The following CHST9 variants were observed in gnomAD, a reference collection of about 807,000 sequenced individuals.
CHST9 encodes carbohydrate sulfotransferase 9.
Under a neutral mutation model 44.4 loss-of-function variants are expected in CHST9, and 41 were observed. The ratio of observed to expected loss-of-function variants is 0.92; its 90% CI spans 0.72 to 1.20. The LOEUF (loss-of-function observed/expected upper bound fraction) is 1.20. Ranked by LOEUF, CHST9 falls within the 50% of genes most tolerant of loss-of-function variation. The pLI is 0.00. For synonymous variants in CHST9, 171 were observed against 178.4 expected, an observed-to-expected ratio of 0.96 and a Z score of 0.33; for missense variants, 504 against 516.5, an observed-to-expected ratio of 0.98 and a Z score of 0.23.
At chr18:26,998,858 G>T (rs1343040388) in intron 4 of CHST9, among the ~76,000 whole-genome samples, 6 of 152,066 alleles carry the variant, frequency 3.9e-5, no homozygotes, top group Non-Finnish European at 7.4e-5. Flanking sequence ...GGCAGTCTCT[G>T]GCTATCATGT....
chr18:27,159,627 T>G (rs1417805216), intron 1 of CHST9, among the ~76,000 whole-genome samples: 1 of 152,178 alleles, frequency 6.6e-6, no homozygotes, highest in East Asian at 1.9e-4. Context: ...TTAAAGCAGT[T>G]TTTTCCAATT....
At chr18:27,025,108 C>G (rs2057270968) in intron 3 of CHST9, among the ~76,000 whole-genome samples, 1 of 146,686 alleles carries the variant, frequency 6.8e-6, no homozygotes, top group Admixed American at 6.8e-5. Context: ...AACATATATA[C>G]TATATGTCAT....
chr18:27,179,102 C>CTATATA (rs1255087270), intron 1 of CHST9, among the ~76,000 whole-genome samples: 5 of 120,224 alleles, frequency 4.2e-5, no homozygotes, highest in African/African-American at 1.5e-4. Flanking sequence ...CTCTCTCTCT[C>CTATATA]TCTATATATA....
At chr18:27,094,924 T>C (rs1434832741) in intron 2 of CHST9, among the ~76,000 whole-genome samples, 1 of 152,218 alleles carries the variant, frequency 6.6e-6, no homozygotes, top group Non-Finnish European at 1.5e-5. Context: ...ACTCTAATTA[T>C]GGTTAAGTGA....
chr18:26,983,879 T>G (rs2056723159), intron 4 of CHST9, among the ~76,000 whole-genome samples: 1 of 151,904 alleles, frequency 6.6e-6, no homozygotes, highest in African/African-American at 2.4e-5. Flanking sequence ...TATTTAAAAG[T>G]GGATAACTTT....
intron 1 of CHST9, among the ~76,000 whole-genome samples, chr18:27,166,484 G>C (rs1162351316): frequency 6.6e-6 from 1 of 152,142 alleles, no homozygotes; most frequent in East Asian, 1.9e-4. Context: ...ACCTTGGGTT[G>C]ATCTCTGTTC....
intron 5 of CHST9, among the ~76,000 whole-genome samples, chr18:26,926,563 A>G (rs2055771807): frequency 6.6e-6 from 1 of 152,238 alleles, no homozygotes; most frequent in South Asian, 2.1e-4. Flanking sequence ...GAAAAATGAG[A>G]TGACTCTTTT....
At chr18:27,173,184 TA>T (rs1303970907) in intron 1 of CHST9, among the ~76,000 whole-genome samples, 3 of 152,114 alleles carry the variant, frequency 2.0e-5, no homozygotes, top group African/African-American at 7.2e-5. Context: ...ATTTGTTGAC[TA>T]AATCGAGAGC....
intron 1 of CHST9, among the ~76,000 whole-genome samples, chr18:27,165,012 G>A (rs964131232): frequency 3.3e-5 from 5 of 152,160 alleles, no homozygotes; most frequent in African/African-American, 1.2e-4. Context: ...GAAGAAATGG[G>A]ATGCAGAAAC....
chr18:26,950,701 T>C (rs1378629947), intron 4 of CHST9, among the ~76,000 whole-genome samples: 1 of 152,042 alleles, frequency 6.6e-6, no homozygotes, highest in Non-Finnish European at 1.5e-5. Context: ...AATGATGTAA[T>C]GGACTTGAGG....
At chr18:26,925,662 C>T (rs1057314951) in intron 5 of CHST9, among the ~76,000 whole-genome samples, 4 of 152,118 alleles carry the variant, frequency 2.6e-5, no homozygotes, top group African/African-American at 7.2e-5. Context: ...TGGGTGACCT[C>T]GGTTATCTTA....
intron 4 of CHST9, among the ~76,000 whole-genome samples, chr18:26,992,983 T>A (rs2145211407): frequency 6.6e-6 from 1 of 152,314 alleles, no homozygotes; most frequent in South Asian, 2.1e-4. Context: ...GCAGACACCC[T>A]AAATGCAGCT....
At chr18:27,116,738 C>A (rs570021206) in intron 2 of CHST9, among the ~76,000 whole-genome samples, 1 of 152,102 alleles carries the variant, frequency 6.6e-6, no homozygotes, top group Non-Finnish European at 1.5e-5. Flanking sequence ...CATTAGATAT[C>A]TTTCCATTTA....
intron 2 of CHST9, among the ~76,000 whole-genome samples, chr18:27,129,258 CTTATT>C (rs1333610748): frequency 2.0e-5 from 3 of 152,034 alleles, no homozygotes; most frequent in Non-Finnish European, 4.4e-5. Context: ...AAAAATGATC[CTTATT>C]TTATTTTCAA....
intron 1 of CHST9, among the ~76,000 whole-genome samples, chr18:27,155,065 G>C (rs1303999447): frequency 1.5e-5 from 2 of 135,734 alleles, no homozygotes; most frequent in Non-Finnish European, 1.5e-5. Flanking sequence ...CTGGGCAACA[G>C]AGTGAGACTG....
At chr18:26,924,522 G>A (rs1370612280) in intron 5 of CHST9, 3 of 632,256 alleles carry the variant, frequency 4.7e-6, no homozygotes, top group Non-Finnish European at 5.9e-6. Flanking sequence ...TGCCCAGGGA[G>A]TAATTTATAA....
At chr18:26,974,379 CA>C (rs1191297865) in intron 4 of CHST9, among the ~76,000 whole-genome samples, 1 of 152,030 alleles carries the variant, frequency 6.6e-6, no homozygotes, top group Admixed American at 6.6e-5. Context: ...AAAAGAACAG[CA>C]AACATTTTGG....
intron 2 of CHST9, among the ~76,000 whole-genome samples, chr18:27,128,254 C>A (rs963508971): frequency 6.6e-6 from 1 of 152,058 alleles, no homozygotes; most frequent in Admixed American, 6.6e-5. Context: ...CAAAAAGATT[C>A]CAAAATCATT....
At chr18:27,000,709 C>T (rs1212231653) in intron 4 of CHST9, among the ~76,000 whole-genome samples, 1 of 151,856 alleles carries the variant, frequency 6.6e-6, no homozygotes, top group Non-Finnish European at 1.5e-5. Flanking sequence ...CATATACCAC[C>T]ATGGTAGAAT....
Sources: gnomAD v4.1 joint callset for allele counts (sites outside exome capture counted in the v4.1 genomes callset) on GRCh38, gnomAD v4.1.1 for gene constraint, MANE v1.5 for transcripts, NCBI Gene and HGNC (gene_info 2026-07-23, HGNC 2026-07-21) for gene names.